The following PTPN9 variants were observed in gnomAD, a reference collection of about 807,000 sequenced individuals.
PTPN9 encodes the protein tyrosine-protein phosphatase non-receptor type 9.
PTPN9 carries 26 observed loss-of-function variants against 69.8 expected under a neutral mutation model. That is an observed-to-expected ratio of 0.37 (90% CI 0.27 to 0.52). The LOEUF (loss-of-function observed/expected upper bound fraction) is 0.52, where lower values mean the gene tolerates loss of function less well. Among genes scored for constraint, PTPN9 ranks in the 20% least tolerant of loss-of-function variants. The probability of loss-of-function intolerance (pLI) is 0.91; values close to 1 mark genes in which losing one functional copy is unlikely to be tolerated. For missense variants in PTPN9, 549 were observed against 740.3 expected (o/e 0.74, Z 3.00); for synonymous variants, 274 against 272.5 (o/e 1.01, Z -0.05).
chr15:75,480,785 G>C, intron 8 of PTPN9: 1 of 1,074,878 alleles, frequency 9.3e-7, no homozygotes, highest in Non-Finnish European at 1.2e-6. Flanking sequence ...CCGCCCGCGA[G>C]GCAGCGGCTG....
intron 1 of PTPN9, among the ~76,000 whole-genome samples, chr15:75,558,634 T>A (rs963052806): frequency 3.0e-4 from 45 of 152,312 alleles, no homozygotes; most frequent in African/African-American, 1.1e-3. Context: ...CCCTGCCTGA[T>A]TCTCCTGCCT....
intron 1 of PTPN9, among the ~76,000 whole-genome samples, chr15:75,561,202 C>G (rs2075102875): frequency 6.6e-6 from 1 of 151,756 alleles, no homozygotes; most frequent in South Asian, 2.1e-4. Context: ...GTAATCCCAG[C>G]TACTTGGGAG....
At chr15:75,491,108 TAAAAAA>T (rs1015189240) in intron 7 of PTPN9, among the ~76,000 whole-genome samples, 3 of 145,898 alleles carry the variant, frequency 2.1e-5, no homozygotes, top group African/African-American at 7.6e-5. Context: ...AACCCTGACT[TAAAAAA>T]AAGAGAAGCT....
At chr15:75,534,521 A>G (rs2074975024) in intron 1 of PTPN9, among the ~76,000 whole-genome samples, 1 of 151,942 alleles carries the variant, frequency 6.6e-6, no homozygotes, top group Non-Finnish European at 1.5e-5. Context: ...AAAAAAATTT[A>G]AAAATTAGCC....
At chr15:75,566,397 A>C (rs1412312372) in intron 1 of PTPN9, among the ~76,000 whole-genome samples, 1 of 152,222 alleles carries the variant, frequency 6.6e-6, no homozygotes, top group Non-Finnish European at 1.5e-5. Context: ...AAGAAACGTA[A>C]GTGGCGGGAC....
chr15:75,522,618 C>G (rs2074910420), intron 4 of PTPN9, among the ~76,000 whole-genome samples: 1 of 152,086 alleles, frequency 6.6e-6, no homozygotes, highest in Non-Finnish European at 1.5e-5. Context: ...GTTGTCCAGG[C>G]TGGTCTCAAC....
intron 1 of PTPN9, among the ~76,000 whole-genome samples, chr15:75,556,031 C>T (rs1320835996): frequency 4.4e-5 from 6 of 137,788 alleles, no homozygotes; most frequent in African/African-American, 1.7e-4. Flanking sequence ...GCGAGACCCC[C>T]GTCTCAAAAA....
chr15:75,479,232 G>A (rs368166427), intron 9 of PTPN9, among the ~76,000 whole-genome samples: 122 of 152,234 alleles, frequency 8.0e-4, no homozygotes, highest in African/African-American at 2.7e-3. Context: ...ACTTGAACCC[G>A]GGAGGTGGAG....
chr15:75,540,543 TAAA>T (rs1295928433), intron 1 of PTPN9, among the ~76,000 whole-genome samples: 7 of 112,774 alleles, frequency 6.2e-5, no homozygotes, highest in Admixed American at 3.2e-4. Flanking sequence ...ACTCTGTCTC[TAAA>T]AAAAAAAAAA....
At chr15:75,491,543 C>T (rs2074711169) in intron 7 of PTPN9, among the ~76,000 whole-genome samples, 1 of 152,054 alleles carries the variant, frequency 6.6e-6, no homozygotes, top group Non-Finnish European at 1.5e-5. Flanking sequence ...CAGCTTTGGA[C>T]CTGGGTAATG....
At chr15:75,482,339 G>A (rs2074642515) in intron 8 of PTPN9, among the ~76,000 whole-genome samples, 1 of 152,208 alleles carries the variant, frequency 6.6e-6, no homozygotes, top group Non-Finnish European at 1.5e-5. Flanking sequence ...GCCGAGGCGG[G>A]CGGATGACGA....
At chr15:75,571,419 A>G (rs1595973681) in intron 1 of PTPN9, among the ~76,000 whole-genome samples, 1 of 152,152 alleles carries the variant, frequency 6.6e-6, no homozygotes, top group African/African-American at 2.4e-5. Context: ...AATTTTCAAA[A>G]AAAGAAAAAA....
chr15:75,570,698 C>T (rs1458796359), intron 1 of PTPN9, among the ~76,000 whole-genome samples: 1 of 151,260 alleles, frequency 6.6e-6, no homozygotes, highest in Admixed American at 6.6e-5. Context: ...TCCTGGGAGG[C>T]TGGGAGGTCG....
chr15:75,499,231 A>T (rs2074759848), intron 7 of PTPN9, among the ~76,000 whole-genome samples: 1 of 151,988 alleles, frequency 6.6e-6, no homozygotes, highest in Non-Finnish European at 1.5e-5. Flanking sequence ...GAGTTGGTGT[A>T]AGTCAGAGGC....
intron 1 of PTPN9, among the ~76,000 whole-genome samples, chr15:75,577,122 C>T (rs926373908): frequency 6.6e-6 from 1 of 152,210 alleles, no homozygotes; most frequent in African/African-American, 2.4e-5. Context: ...TTAAACACAT[C>T]TGTATATATG....
At chr15:75,478,762 T>C (rs79471369) in intron 9 of PTPN9, among the ~76,000 whole-genome samples, 27,833 of 152,280 alleles carry the variant, frequency 0.18, 3,193 homozygotes, top group Non-Finnish European at 0.26. Flanking sequence ...CAATGCATCA[T>C]ATCAGGAGGT....
intron 6 of PTPN9, among the ~76,000 whole-genome samples, chr15:75,507,715 C>T (rs1045903875): frequency 1.3e-5 from 2 of 151,438 alleles, no homozygotes; most frequent in Non-Finnish European, 2.9e-5. Flanking sequence ...TGCAGTGAGC[C>T]GAGATCGCTT....
At chr15:75,481,905 T>A (rs1427311246) in intron 8 of PTPN9, among the ~76,000 whole-genome samples, 5 of 145,150 alleles carry the variant, frequency 3.4e-5, no homozygotes, top group African/African-American at 1.3e-4. Context: ...CGGCCGCCCC[T>A]ACTGGGAAGT....
In PTPN9 at chr15:75,479,835, C is replaced by T. The variant is rs201793544; in HGVS notation, c.1129+13G>A. 1.8e-4 allele frequency: 279 copies of T among 1,589,116 alleles called. No individual in the cohort carries two copies. The highest frequency in any genetic ancestry group is 2.0e-4 in the Non-Finnish European group (234 of 1,166,538). ...TGGCACAAAATCAACATGGGAGGGACGGACCAGCTTACCTTGTGTGCCAAT... is the reference window on the plus strand; with the variant it reads ...TGGCACAAAATCAACATGGGAGGGATGGACCAGCTTACCTTGTGTGCCAAT... On this transcript the variant is annotated intron_variant, in intron 9 of 12. Coordinates refer to ENST00000618819, the MANE Select transcript of PTPN9 (RefSeq NM_002833.4).
Sources: gnomAD v4.1 joint callset for allele counts (sites outside exome capture counted in the v4.1 genomes callset) on GRCh38, gnomAD v4.1.1 for gene constraint, MANE v1.5 for transcripts, NCBI Gene and HGNC (gene_info 2026-07-23, HGNC 2026-07-21) for gene names.